FAF1: variants seen among roughly 807,000 people sequenced by gnomAD.
FAF1 encodes the protein FAS-associated factor 1.
A neutral mutation model predicts 92.5 loss-of-function variants in FAF1; 25 were observed. The ratio of observed to expected loss-of-function variants is 0.27; its 90% CI spans 0.20 to 0.38. The LOEUF (loss-of-function observed/expected upper bound fraction) is 0.38, where lower values mean the gene tolerates loss of function less well. FAF1 is among the 10% of genes least tolerant of loss of function. The pLI is 1.00. For synonymous variants in FAF1, 234 were observed against 273.2 expected, an observed-to-expected ratio of 0.86 and a Z score of 1.42; for missense variants, 636 against 793.3, an observed-to-expected ratio of 0.80 and a Z score of 2.38.
In FAF1 at chr1:50,819,742, T is replaced by C. The variant is rs1186660443; in HGVS notation, c.115-18065A>G. On this transcript the variant is annotated intron_variant, in intron 2 of 18. Transcript: ENST00000396153. ...GTATATATATATACATATATATACA[T>C]ATATATATACATATATATATACGTA... 3.7e-4 allele frequency among the ~76,000 whole-genome samples: 25 copies of C among 67,710 alleles called. 1 individual carries two copies. Among genetic ancestry groups the C allele is most frequent in the African/African-American group, 1.3e-3 (22 of 17,150 alleles). The allele number at this position is 67,710 out of a possible 152,430, so 44.4% of individuals were successfully genotyped here.
intron 8 of FAF1, among the ~76,000 whole-genome samples, chr1:50,636,644 C>T (rs1175603385): frequency 1.3e-5 from 2 of 152,034 alleles, no homozygotes; most frequent in African/African-American, 2.4e-5. Flanking sequence ...GCGTGAGCCA[C>T]CGCGCCTGGC....
intron 4 of FAF1, among the ~76,000 whole-genome samples, chr1:50,775,447 C>T (rs12082582): frequency 0.02 from 3,037 of 151,976 alleles, 98 homozygotes; most frequent in African/African-American, 0.07. Flanking sequence ...GGGATCATAG[C>T]GGATGATTCA....
rs574515437 is a variant in FAF1, at chr1:50,672,824, T to G, written c.658-17296A>C. 2.0e-5 allele frequency among the ~76,000 whole-genome samples: 3 copies of G among 152,314 alleles called. No individual in the cohort carries two copies. In the South Asian group the frequency reaches 6.2e-4, roughly 32 times the overall value. The stretch of plus-strand genomic sequence containing the variant: ...TTTATTGTTTTTAATAATGTTATTT[T>G]AAAGTAGTCTGAGGCAGGGTGCAGT... On this transcript the variant is annotated intron_variant, in intron 7 of 18. Coordinates refer to ENST00000396153, the MANE Select transcript of FAF1 (RefSeq NM_007051.3).
intron 1 of FAF1, among the ~76,000 whole-genome samples, chr1:50,912,241 C>T (rs541417638): frequency 4.6e-5 from 7 of 152,240 alleles, no homozygotes; most frequent in South Asian, 2.1e-4. Flanking sequence ...AAAGTGTTTA[C>T]GGTGTTGTCC....
At position 50,810,181 on chromosome 1, in the gene FAF1, G is replaced by C. The variant is rs937262966; in HGVS notation, c.115-8504C>G. 2.6e-5 allele frequency among the ~76,000 whole-genome samples: 4 copies of C among 152,044 alleles called. No individual in the cohort carries two copies. In the East Asian group the frequency reaches 5.8e-4, roughly 22 times the overall value. On this transcript the variant is annotated intron_variant, in intron 2 of 18. Transcript: ENST00000396153. ...GATGCAGGAGAAATGCTTGAACCTG[G>C]GAGACAGAGGTTGCAGTGAACCAAG... is the stretch of plus-strand genomic sequence containing the variant.
chr1:50,510,548 C>A (rs982293727), intron 15 of FAF1, among the ~76,000 whole-genome samples: 4 of 152,136 alleles, frequency 2.6e-5, no homozygotes, highest in African/African-American at 7.2e-5. Context: ...GACTGTTACA[C>A]CCCACCACTC....
At chr1:50,931,816 G>A (rs985543796) in intron 1 of FAF1, among the ~76,000 whole-genome samples, 1 of 151,652 alleles carries the variant, frequency 6.6e-6, no homozygotes, top group Admixed American at 6.6e-5. Flanking sequence ...AGAGCTTGAA[G>A]TAAGCCGAGA....
At chr1:50,924,057 T>C (rs1644985988) in intron 1 of FAF1, among the ~76,000 whole-genome samples, 1 of 152,030 alleles carries the variant, frequency 6.6e-6, no homozygotes, top group Non-Finnish European at 1.5e-5. Flanking sequence ...GTACTAGAAG[T>C]CTTAGCTATA....
At chr1:50,749,594 T>C (rs1036646970) in intron 4 of FAF1, among the ~76,000 whole-genome samples, 8 of 152,134 alleles carry the variant, frequency 5.3e-5, no homozygotes, top group Admixed American at 2.0e-4. Flanking sequence ...GAGACCAACA[T>C]GAGCAACACA....
At chr1:50,646,465 T>C (rs768409895) in intron 8 of FAF1, among the ~76,000 whole-genome samples, 1 of 152,246 alleles carries the variant, frequency 6.6e-6, no homozygotes, top group Non-Finnish European at 1.5e-5. Context: ...TGTGGAGCAC[T>C]GAACAATTTA....
chr1:50,657,612 A>G (rs1393855452), intron 7 of FAF1, among the ~76,000 whole-genome samples: 2 of 152,228 alleles, frequency 1.3e-5, no homozygotes, highest in African/African-American at 2.4e-5. Flanking sequence ...TTCAACAAGC[A>G]TCATGCATTT....
chr1:50,761,218 T>C (rs1311233375), intron 4 of FAF1, among the ~76,000 whole-genome samples: 1 of 151,638 alleles, frequency 6.6e-6, no homozygotes, highest in Non-Finnish European at 1.5e-5. Context: ...CCTAAAAGAG[T>C]CCAGGACCAG....
At chr1:50,930,223 T>C (rs1219280449) in intron 1 of FAF1, among the ~76,000 whole-genome samples, 1 of 152,226 alleles carries the variant, frequency 6.6e-6, no homozygotes, top group African/African-American at 2.4e-5. Context: ...TTTTAATACA[T>C]CTTGGTTCTT....
intron 15 of FAF1, among the ~76,000 whole-genome samples, chr1:50,501,729 C>A (rs986652110): frequency 1.9e-4 from 29 of 151,984 alleles, no homozygotes; most frequent in African/African-American, 6.3e-4. Flanking sequence ...CTGGAACTCT[C>A]TTATACACTG....
chr1:50,575,717 T>C (rs1473932472), intron 12 of FAF1, among the ~76,000 whole-genome samples: 14 of 152,212 alleles, frequency 9.2e-5, no homozygotes, highest in Admixed American at 8.5e-4. Context: ...TTTAAGGAAT[T>C]TAAATGGAAA....
intron 7 of FAF1, among the ~76,000 whole-genome samples, chr1:50,704,833 T>C (rs534565561): frequency 6.6e-6 from 1 of 152,222 alleles, no homozygotes; most frequent in South Asian, 2.1e-4. Flanking sequence ...GAAGCTGAAA[T>C]TCATTAACAC....
intron 4 of FAF1, among the ~76,000 whole-genome samples, chr1:50,759,830 T>C (rs190790496): frequency 6.6e-6 from 1 of 152,356 alleles, no homozygotes; most frequent in African/African-American, 2.4e-5. Context: ...CCTGACTTTT[T>C]AATGATCGTC....
intron 17 of FAF1, among the ~76,000 whole-genome samples, chr1:50,477,309 G>A (rs1196711426): frequency 1.3e-5 from 2 of 152,074 alleles, no homozygotes; most frequent in Non-Finnish European, 2.9e-5. Context: ...TTTTCAGTAT[G>A]GCATCTGACA....
At chr1:50,931,382 C>T (rs1317119063) in intron 1 of FAF1, among the ~76,000 whole-genome samples, 1 of 152,150 alleles carries the variant, frequency 6.6e-6, no homozygotes, top group East Asian at 1.9e-4. Context: ...CTGATAAAGA[C>T]ACACCCAAAA....
Sources: gnomAD v4.1 joint callset for allele counts (sites outside exome capture counted in the v4.1 genomes callset) on GRCh38, gnomAD v4.1.1 for gene constraint, MANE v1.5 for transcripts, NCBI Gene and HGNC (gene_info 2026-07-23, HGNC 2026-07-21) for gene names.